The following ALK variants were observed in gnomAD, a reference collection of about 807,000 sequenced individuals.
ALK encodes the protein ALK tyrosine kinase receptor.
Under a neutral mutation model 163.1 loss-of-function variants are expected in ALK, and 74 were observed. The ratio of observed to expected loss-of-function variants is 0.45; its 90% CI spans 0.38 to 0.55. The LOEUF (loss-of-function observed/expected upper bound fraction) is 0.55. Ranked by LOEUF, ALK falls within the 20% of genes least tolerant of loss-of-function variation. ALK has a pLI of 0.00. For synonymous variants in ALK, 960 were observed against 843.2 expected (o/e 1.14, Z -2.40); for missense variants, 2,063 against 2,105.3 (o/e 0.98, Z 0.39).
chr2:29,273,979 G>C (rs986544889), intron 11 of ALK, among the ~76,000 whole-genome samples: 3 of 152,180 alleles, frequency 2.0e-5, no homozygotes, highest in African/African-American at 7.2e-5. Context: ...GCTCCCCTCT[G>C]TGTGGGAATA....
chr2:29,233,331 A>G (rs1664271285), intron 14 of ALK, among the ~76,000 whole-genome samples: 1 of 152,148 alleles, frequency 6.6e-6, no homozygotes, highest in Admixed American at 6.5e-5. Context: ...TTTTTGGTAG[A>G]GACAACGTTT....
At chr2:29,580,852 TG>T (rs1282000243) in intron 3 of ALK, among the ~76,000 whole-genome samples, 1 of 152,166 alleles carries the variant, frequency 6.6e-6, no homozygotes, top group Non-Finnish European at 1.5e-5. Flanking sequence ...GTCAGCTCTA[TG>T]GGGTTTTGCT....
intron 9 of ALK, among the ~76,000 whole-genome samples, chr2:29,284,155 T>G (rs1329293862): frequency 1.3e-5 from 2 of 152,126 alleles, no homozygotes; most frequent in Admixed American, 1.3e-4. Context: ...AAACTCTCAC[T>G]AGGCAGTGGG....
At chr2:29,910,378 C>T (rs1007805910) in intron 1 of ALK, among the ~76,000 whole-genome samples, 3 of 151,870 alleles carry the variant, frequency 2.0e-5, no homozygotes, top group Non-Finnish European at 4.4e-5. Context: ...TAATAAAGTA[C>T]GGGAACCATA....
chr2:29,876,780 A>G, intron 1 of ALK, among the ~76,000 whole-genome samples: 1 of 151,570 alleles, frequency 6.6e-6, no homozygotes, highest in African/African-American at 2.4e-5. Context: ...GATGGTGATG[A>G]TGGTGGTGAT....
At position 29,814,604 on chromosome 2, in the gene ALK, G is replaced by C. The variant is rs184651073; in HGVS notation, c.668-96907C>G. Among the ~76,000 whole-genome samples, 28 of 151,602 alleles carry C rather than the reference G, an allele frequency of 1.8e-4. 2 individuals are homozygous for C. Among genetic ancestry groups the C allele is most frequent in the African/African-American group, 5.6e-4 (23 of 41,292 alleles). On this transcript the variant is annotated intron_variant, in intron 1 of 28. Transcript: ENST00000389048. ...GAACCCGGGAGGCAGAGCTTGCAGTGAGCCAAGATCGCACCACTGCACTCC... is the reference window on the plus strand; with the variant it reads ...GAACCCGGGAGGCAGAGCTTGCAGTCAGCCAAGATCGCACCACTGCACTCC...
At chr2:29,837,210 G>T (rs1665585523) in intron 1 of ALK, among the ~76,000 whole-genome samples, 1 of 152,060 alleles carries the variant, frequency 6.6e-6, no homozygotes, top group Non-Finnish European at 1.5e-5. Context: ...GCATGGAATT[G>T]ACCTCATTTT....
chr2:29,851,606 G>C (rs1227322235), intron 1 of ALK, among the ~76,000 whole-genome samples: 3 of 152,182 alleles, frequency 2.0e-5, no homozygotes, highest in Non-Finnish European at 4.4e-5. Flanking sequence ...AGTCTAGGGT[G>C]GGGCCTGGAA....
chr2:29,765,565 TC>T (rs1680838110), intron 1 of ALK, among the ~76,000 whole-genome samples: 1 of 152,044 alleles, frequency 6.6e-6, no homozygotes, highest in Non-Finnish European at 1.5e-5. Flanking sequence ...TTTGGTCTCG[TC>T]CTCCCAAAAT....
chr2:29,510,261 C>A (rs1454579514), intron 4 of ALK, among the ~76,000 whole-genome samples: 2 of 152,184 alleles, frequency 1.3e-5, no homozygotes, highest in Non-Finnish European at 2.9e-5. Context: ...ATGTCCCTAG[C>A]AATTGGCATT....
intron 3 of ALK, among the ~76,000 whole-genome samples, chr2:29,623,913 G>A (rs1676115481): frequency 6.6e-6 from 1 of 152,108 alleles, no homozygotes; most frequent in African/African-American, 2.4e-5. Context: ...ACAACAGTTG[G>A]TGGCTTAAAT....
intron 1 of ALK, among the ~76,000 whole-genome samples, chr2:29,825,962 A>G (rs1665185238): frequency 6.6e-6 from 1 of 152,216 alleles, no homozygotes; most frequent in Non-Finnish European, 1.5e-5. Context: ...AGGCTCTGGT[A>G]GCATGACTGA....
At chr2:29,522,713 C>A (rs1672847195) in intron 4 of ALK, among the ~76,000 whole-genome samples, 1 of 152,024 alleles carries the variant, frequency 6.6e-6, no homozygotes, top group Non-Finnish European at 1.5e-5. Context: ...CACAAAGAAC[C>A]CCCACCCCAT....
At chr2:29,822,080 C>T (rs1317173421) in intron 1 of ALK, among the ~76,000 whole-genome samples, 2 of 152,168 alleles carry the variant, frequency 1.3e-5, no homozygotes, top group African/African-American at 2.4e-5. Context: ...TTGTCCTTTT[C>T]CCTAAAGAGT....
chr2:29,403,157 G>T (rs1427282328), intron 4 of ALK, among the ~76,000 whole-genome samples: 6 of 152,280 alleles, frequency 3.9e-5, no homozygotes, highest in Non-Finnish European at 8.8e-5. Context: ...TACCTAGAAG[G>T]TGGTAAGTGC....
At chr2:29,788,285 T>C (rs1323356123) in intron 1 of ALK, among the ~76,000 whole-genome samples, 3 of 152,144 alleles carry the variant, frequency 2.0e-5, no homozygotes, top group African/African-American at 7.2e-5. Flanking sequence ...AGGGCTACAA[T>C]GTCATGGGAG....
At chr2:29,894,976 G>A (rs1667233140) in intron 1 of ALK, among the ~76,000 whole-genome samples, 1 of 152,092 alleles carries the variant, frequency 6.6e-6, no homozygotes, top group South Asian at 2.1e-4. Flanking sequence ...AAAGCCCCAT[G>A]TTTCCATCAG....
rs1156462365 is a variant in ALK at position 29,203,485 on chromosome 2, C to CTTTTTTTTTTTTTTTTTTTTTTTTT, written c.3938+3661_3938+3685dup. Among the ~76,000 whole-genome samples, 84 of 32,548 alleles carry CTTTTTTTTTTTTTTTTTTTTTTTTT rather than the reference C, an allele frequency of 2.6e-3. 36 individuals carry two copies. Among genetic ancestry groups the CTTTTTTTTTTTTTTTTTTTTTTTTT allele is most frequent in the South Asian group, 4.3e-3 (2 of 466 alleles). The allele number at this position is 32,548 out of a possible 152,430, so 21.4% of individuals were successfully genotyped here. A position where few individuals can be genotyped will look rare whatever the true frequency, so the allele number is the denominator to read the frequency against. On this transcript the variant is annotated intron_variant, in intron 26 of 28. Coordinates refer to ENST00000389048, the MANE Select transcript of ALK (RefSeq NM_004304.5). ...TATCACCATTGGCCTGAGGATGTGC[C>CTTTTTTTTTTTTTTTTTTTTTTTTT]TTTTTTTTTTTTTTTTTTTTTTTTT...
At chr2:29,438,862 T>C (rs1333455920) in intron 4 of ALK, among the ~76,000 whole-genome samples, 1 of 152,172 alleles carries the variant, frequency 6.6e-6, no homozygotes, top group African/African-American at 2.4e-5. Context: ...GCGCTCCTAC[T>C]GATTTGGGGA....
Sources: allele counts gnomAD v4.1 joint callset (sites outside exome capture counted in the v4.1 genomes callset), GRCh38; gene constraint gnomAD v4.1.1; transcripts MANE v1.5; gene names NCBI Gene and HGNC (gene_info 2026-07-23, HGNC 2026-07-21).